The following PTPRK variants were observed in gnomAD, a reference collection of about 807,000 sequenced individuals.
The protein encoded by PTPRK is protein tyrosine phosphatase receptor type K.
A neutral mutation model predicts 178.0 loss-of-function variants in PTPRK; 75 were observed. The ratio of observed to expected loss-of-function variants is 0.42; its 90% CI spans 0.35 to 0.51. The LOEUF is 0.51. Among genes scored for constraint, PTPRK ranks in the 20% least tolerant of loss-of-function variants. The pLI is 0.02. For missense variants in PTPRK, 1,441 were observed against 1,797.8 expected, an observed-to-expected ratio of 0.80 and a Z score of 3.59; for synonymous variants, 637 against 620.6, an observed-to-expected ratio of 1.03 and a Z score of -0.39.
rs370286574 is a variant in PTPRK, at chr6:128,305,616, G to A, written c.495+16423C>T. On this transcript the variant is annotated intron_variant, in intron 3 of 29. Transcript: ENST00000368226. Reference sequence around the variant, plus strand: ...AAAACAAGTAATTTAGGAAAGAAAGGCTATCCATGCAGGTTGAAAATTGGA... The same window carrying A: ...AAAACAAGTAATTTAGGAAAGAAAGACTATCCATGCAGGTTGAAAATTGGA... 2.0e-3 allele frequency among the ~76,000 whole-genome samples: 310 copies of A among 152,188 alleles called. 1 individual carries two copies. Among genetic ancestry groups the A allele is most frequent in the Non-Finnish European group, 3.3e-3 (224 of 67,994 alleles).
intron 3 of PTPRK, among the ~76,000 whole-genome samples, chr6:128,278,155 ATTTATTTATTT>A (rs1455423829): frequency 2.0e-5 from 3 of 150,052 alleles, no homozygotes; most frequent in African/African-American, 7.3e-5. Context: ...TTATTTATTT[ATTTATTTATTT>A]ATTTATTTGA....
intron 25 of PTPRK, among the ~76,000 whole-genome samples, chr6:127,979,889 TAATC>T (rs1775083387): frequency 6.6e-6 from 1 of 152,208 alleles, no homozygotes; most frequent in African/African-American, 2.4e-5. Flanking sequence ...CTTTCCAACA[TAATC>T]AAAGTAAAGT....
At chr6:128,513,170 T>G (rs1243990542) in intron 1 of PTPRK, among the ~76,000 whole-genome samples, 1 of 152,142 alleles carries the variant, frequency 6.6e-6, no homozygotes, top group Non-Finnish European at 1.5e-5. Flanking sequence ...TAAATAATAA[T>G]CAAGTAAATA....
At chr6:128,186,028 A>T (rs1312114403) in intron 6 of PTPRK, among the ~76,000 whole-genome samples, 1 of 152,102 alleles carries the variant, frequency 6.6e-6, no homozygotes, top group Non-Finnish European at 1.5e-5. Flanking sequence ...TAAAATTAGG[A>T]ATAAGATTAT....
chr6:128,520,496 TTCTTC>T lies in PTPRK; in HGVS notation c.-143_-139del. 2.6e-6 allele frequency: 2 copies of T among 775,476 alleles called. No individual in the cohort carries two copies. 48.0% of individuals were successfully genotyped at this position (775,476 alleles called of 1,614,324 possible). Reference sequence around the variant, plus strand: ...ACAGCCGCCCGCCCGCCCTTTTTCCTTCTTCGCGGTCGCCAAACTACCTCAGGGGC... The same window carrying T: ...ACAGCCGCCCGCCCGCCCTTTTTCCTGCGGTCGCCAAACTACCTCAGGGGC... On this transcript the variant is annotated 5_prime_UTR_variant, in exon 1 of 30. Transcript: ENST00000368226.
intron 13 of PTPRK, among the ~76,000 whole-genome samples, chr6:128,014,497 A>ACTAAAAGCATTAT (rs1779383315): frequency 6.6e-6 from 1 of 151,632 alleles, no homozygotes; most frequent in Non-Finnish European, 1.5e-5. Flanking sequence ...GCTTTTAGGA[A>ACTAAAAGCATTAT]TACCAAGTAA....
At chr6:128,110,244 T>G (rs1343646983) in intron 7 of PTPRK, among the ~76,000 whole-genome samples, 2 of 152,102 alleles carry the variant, frequency 1.3e-5, no homozygotes, top group Non-Finnish European at 2.9e-5. Context: ...ACTTTTGAGT[T>G]GGCCCCTGAT....
At chr6:128,296,706 A>C (rs976950170) in intron 3 of PTPRK, among the ~76,000 whole-genome samples, 8 of 152,150 alleles carry the variant, frequency 5.3e-5, no homozygotes, top group East Asian at 3.9e-4. Context: ...GCCTGCCCTA[A>C]AAGAGCTCCT....
At chr6:128,360,527 G>A (rs1386692759) in intron 2 of PTPRK, among the ~76,000 whole-genome samples, 1 of 152,132 alleles carries the variant, frequency 6.6e-6, no homozygotes, top group African/African-American at 2.4e-5. Flanking sequence ...TAGCATTTGA[G>A]AAACATATAA....
At chr6:128,202,017 T>C (rs745745993) in intron 6 of PTPRK, among the ~76,000 whole-genome samples, 1 of 152,112 alleles carries the variant, frequency 6.6e-6, no homozygotes, top group Non-Finnish European at 1.5e-5. Flanking sequence ...CCAATGAGTA[T>C]GGAAAGTGAA....
At chr6:128,264,813 C>G (rs1818703954) in intron 3 of PTPRK, among the ~76,000 whole-genome samples, 2 of 152,110 alleles carry the variant, frequency 1.3e-5, no homozygotes, top group Admixed American at 6.6e-5. Context: ...ATAATTGAAT[C>G]ATGGAGGCAG....
intron 16 of PTPRK, among the ~76,000 whole-genome samples, chr6:127,998,446 T>G (rs560233827): frequency 1.2e-3 from 179 of 151,448 alleles, no homozygotes; most frequent in Non-Finnish European, 2.0e-3. Flanking sequence ...CGCAAAGTGT[T>G]TTTTTTTAAT....
intron 7 of PTPRK, among the ~76,000 whole-genome samples, chr6:128,171,713 T>C (rs1800286080): frequency 6.6e-6 from 1 of 152,006 alleles, no homozygotes; most frequent in African/African-American, 2.4e-5. Context: ...ATGATTTGTA[T>C]ATTAAAGGGC....
chr6:128,031,202 A>G (rs1451719388), intron 13 of PTPRK, among the ~76,000 whole-genome samples: 1 of 152,198 alleles, frequency 6.6e-6, no homozygotes, highest in African/African-American at 2.4e-5. Context: ...CATTCTTGAA[A>G]AATCACTCAT....
chr6:128,251,029 G>T (rs896694976), intron 3 of PTPRK, among the ~76,000 whole-genome samples: 1 of 152,174 alleles, frequency 6.6e-6, no homozygotes, highest in Non-Finnish European at 1.5e-5. Flanking sequence ...ATTGACTCAT[G>T]TAATAGTCCA....
intron 20 of PTPRK, 62 bp downstream of exon 20, chr6:127,991,232 T>A: frequency 7.7e-7 from 1 of 1,299,548 alleles, no homozygotes; most frequent in Non-Finnish European, 1.1e-6. Flanking sequence ...TTGAGTGTCT[T>A]ACATGTTGCT....
At chr6:128,111,990 G>A (rs1790748013) in intron 7 of PTPRK, among the ~76,000 whole-genome samples, 1 of 151,892 alleles carries the variant, frequency 6.6e-6, no homozygotes, top group Non-Finnish European at 1.5e-5. Context: ...ATGGAGGGGA[G>A]GGTGCTGAAA....
At chr6:128,131,587 G>T (rs2114461718) in intron 7 of PTPRK, among the ~76,000 whole-genome samples, 1 of 152,282 alleles carries the variant, frequency 6.6e-6, no homozygotes, top group South Asian at 2.1e-4. Flanking sequence ...AGTTCTGGCT[G>T]AAAATCTTCC....
At chr6:128,195,541 T>A (rs957846812) in intron 6 of PTPRK, among the ~76,000 whole-genome samples, 2 of 150,668 alleles carry the variant, frequency 1.3e-5, no homozygotes, top group African/African-American at 5.0e-5. Flanking sequence ...TATTTCTACA[T>A]GTCTATGTAG....
Sources: allele counts gnomAD v4.1 joint callset (sites outside exome capture counted in the v4.1 genomes callset), GRCh38; gene constraint gnomAD v4.1.1; transcripts MANE v1.5; gene names NCBI Gene and HGNC (gene_info 2026-07-23, HGNC 2026-07-21).